Variants in ADAM2 observed in about 807,000 individuals in gnomAD.
ADAM2 encodes disintegrin and metalloproteinase domain-containing protein 2.
Under a neutral mutation model 99.3 loss-of-function variants are expected in ADAM2, and 101 were observed. The observed-to-expected ratio is 1.02, with a 90% CI of 0.87 to 1.20. The LOEUF is 1.20. ADAM2 is among the 50% of genes most tolerant of loss of function. The pLI, the probability that ADAM2 is intolerant of heterozygous loss-of-function variation, is 0.00. For missense variants in ADAM2, 948 were observed against 878.7 expected, an observed-to-expected ratio of 1.08 and a Z score of -1.00; for synonymous variants, 323 against 287.6, an observed-to-expected ratio of 1.12 and a Z score of -1.25.
At chr8:39,790,242 A>G (rs1422398438) in intron 7 of ADAM2, among the ~76,000 whole-genome samples, 1 of 151,976 alleles carries the variant, frequency 6.6e-6, no homozygotes, top group Non-Finnish European at 1.5e-5. Flanking sequence ...ACAAATGTTT[A>G]TAGTAATGTT....
chr8:39,805,125 C>G (rs775091408), intron 7 of ADAM2, among the ~76,000 whole-genome samples: 1 of 152,134 alleles, frequency 6.6e-6, no homozygotes, highest in Non-Finnish European at 1.5e-5. Context: ...AAGGGGCAAA[C>G]AAACCTTTTT....
At position 39,805,102 on chromosome 8, in the gene ADAM2, C is replaced by T. The variant is rs1285839761; in HGVS notation, c.570+4308G>A. Among the ~76,000 whole-genome samples, 4 of 152,136 alleles carry T rather than the reference C, an allele frequency of 2.6e-5. No homozygotes were observed. In the South Asian group the frequency reaches 6.2e-4, roughly 24 times the overall value. On this transcript the variant is annotated intron_variant, in intron 7 of 20. Coordinates refer to ENST00000265708, the MANE Select transcript of ADAM2 (RefSeq NM_001464.5). ...TATAGATGGTACCTTCTAGCTGTGT[C>T]CTTATAGACTGAAAGGGGCAAACAA... is the stretch of plus-strand genomic sequence containing the variant.
intron 7 of ADAM2, among the ~76,000 whole-genome samples, chr8:39,791,678 G>A (rs1803721440): frequency 6.6e-6 from 1 of 152,040 alleles, no homozygotes; most frequent in Admixed American, 6.6e-5. Context: ...CTTTTGTGTT[G>A]TAGCAAAGCA....
intron 11 of ADAM2, among the ~76,000 whole-genome samples, chr8:39,773,567 G>A (rs1254458489): frequency 6.8e-6 from 1 of 147,576 alleles, no homozygotes; most frequent in African/African-American, 2.5e-5. Context: ...ATAAAAGAGG[G>A]CATATCACAA....
chr8:39,787,096 AAATT>A lies in ADAM2; in HGVS notation c.810-45_810-42del. On this transcript the variant is annotated intron_variant, in intron 9 of 20. Transcript: ENST00000265708. ...GGATCATAATCATATAATTTTGTAAAAATTAATATGAATTTTTATAAGACAAATT... is the reference window on the plus strand; with the variant it reads ...GGATCATAATCATATAATTTTGTAAAAATATGAATTTTTATAAGACAAATT... 3 of 1,277,136 alleles carry A rather than the reference AAATT, an allele frequency of 2.3e-6. No homozygotes were observed. In the South Asian group the frequency reaches 4.5e-5, roughly 19 times the overall value. 79.1% of individuals were successfully genotyped at this position (1,277,136 alleles called of 1,614,324 possible). A position where few individuals can be genotyped will look rare whatever the true frequency, so the allele number is the denominator to read the frequency against.
chr8:39,755,912 C>T lies in ADAM2; in HGVS notation c.1614-1G>A, dbSNP rs148060864. On this transcript the variant is annotated splice_acceptor_variant, in intron 15 of 20. Coordinates refer to ENST00000265708, the MANE Select transcript of ADAM2 (RefSeq NM_001464.5). LOFTEE classifies it high-confidence loss of function. Reference sequence around the variant, plus strand: ...TATTAATTTTCCGCACTGCAGATTGCTATAATTTATCCACAAATAAAAATT... The same window carrying T: ...TATTAATTTTCCGCACTGCAGATTGTTATAATTTATCCACAAATAAAAATT... 1.1e-5 allele frequency: 15 copies of T among 1,420,960 alleles called. 1 individual carries two copies. In the East Asian group the frequency reaches 1.4e-4, roughly 13 times the overall value. The allele number at this position is 1,420,960 out of a possible 1,614,324, so 88.0% of individuals were successfully genotyped here. A position where few individuals can be genotyped will look rare whatever the true frequency, so the allele number is the denominator to read the frequency against.
intron 11 of ADAM2, among the ~76,000 whole-genome samples, chr8:39,771,121 A>T (rs563902664): frequency 6.6e-6 from 1 of 152,274 alleles, no homozygotes; most frequent in Non-Finnish European, 1.5e-5. Context: ...ATCAACCTCA[A>T]CTCACTCTGC....
At chr8:39,749,199 T>G in intron 18 of ADAM2, 113 bp downstream of exon 18, 1 of 941,630 alleles carries the variant, frequency 1.1e-6, no homozygotes, top group Non-Finnish European at 1.6e-6. Flanking sequence ...ATGTGCAGTT[T>G]AATGTCTAAA....
intron 16 of ADAM2, among the ~76,000 whole-genome samples, chr8:39,751,452 A>C (rs918340512): frequency 6.6e-5 from 10 of 152,070 alleles, no homozygotes; most frequent in African/African-American, 2.4e-4. Context: ...TTCTGCAATG[A>C]AGTGTTTTTG....
At position 39,821,047 on chromosome 8, in the gene ADAM2, C is replaced by T. The variant is rs539945891; in HGVS notation, c.468G>A (p.Lys156=). 2.5e-6 allele frequency: 4 copies of T among 1,605,828 alleles called. No individual in the cohort carries two copies. In the African/African-American group the frequency reaches 4.0e-5, roughly 16 times the overall value. ...KKADVSLYNE[K]DIESRDLSFK... ...AGGACAGATCTCTTGATTCAATATCCTTCTCATTATATAAGGAAACATCTG... is the reference window on the plus strand; with the variant it reads ...AGGACAGATCTCTTGATTCAATATCTTTCTCATTATATAAGGAAACATCTG... The change falls in exon 6 of 21, where the codon AAG becomes AAA. Residue 156 remains lysine, a synonymous_variant. Coordinates refer to ENST00000265708, the MANE Select transcript of ADAM2 (RefSeq NM_001464.5).
intron 7 of ADAM2, among the ~76,000 whole-genome samples, chr8:39,798,054 G>A (rs1199869372): frequency 6.6e-6 from 1 of 152,146 alleles, no homozygotes; most frequent in Admixed American, 6.5e-5. Flanking sequence ...TGATGGCCCT[G>A]GCCAGAACTT....
At chr8:39,830,691 C>T (rs778553854) in intron 3 of ADAM2, among the ~76,000 whole-genome samples, 9 of 151,942 alleles carry the variant, frequency 5.9e-5, no homozygotes, top group African/African-American at 1.2e-4. Flanking sequence ...CGACAATAGT[C>T]GCAAGCATCA....
intron 10 of ADAM2, among the ~76,000 whole-genome samples, chr8:39,784,021 T>C (rs980399774): frequency 6.6e-5 from 10 of 152,166 alleles, no homozygotes; most frequent in Admixed American, 1.3e-4. Flanking sequence ...CAAAAACTAC[T>C]TGTGCTGTGG....
chr8:39,764,760 T>C (rs1260545678), intron 14 of ADAM2, among the ~76,000 whole-genome samples: 1 of 152,084 alleles, frequency 6.6e-6, no homozygotes, highest in Non-Finnish European at 1.5e-5. Context: ...AAGCGAGTAA[T>C]CCCAGCACTT....
At chr8:39,836,646 G>A (rs920059673) in intron 2 of ADAM2, among the ~76,000 whole-genome samples, 3 of 151,986 alleles carry the variant, frequency 2.0e-5, no homozygotes, top group Admixed American at 1.3e-4. Context: ...TAAAAAGAGA[G>A]TAATAATTCT....
At chr8:39,765,043 AAAT>A (rs1802517589) in intron 14 of ADAM2, among the ~76,000 whole-genome samples, 1 of 148,852 alleles carries the variant, frequency 6.7e-6, no homozygotes. Flanking sequence ...ATAAATAAAT[AAAT>A]AAATAAATAA....
At chr8:39,755,655 G>T in intron 16 of ADAM2, 73 bp downstream of exon 16, 1 of 1,148,316 alleles carries the variant, frequency 8.7e-7, no homozygotes, top group Non-Finnish European at 1.3e-6. Flanking sequence ...GCCAGGGCAA[G>T]AGTGACACTC....
intron 7 of ADAM2, among the ~76,000 whole-genome samples, chr8:39,796,764 G>A (rs1201035016): frequency 6.6e-6 from 1 of 152,128 alleles, no homozygotes; most frequent in African/African-American, 2.4e-5. Context: ...TCTCATTGTA[G>A]TTTTGACTTG....
chr8:39,760,080 T>G (rs1202981936), intron 15 of ADAM2, among the ~76,000 whole-genome samples: 1 of 152,052 alleles, frequency 6.6e-6, no homozygotes, highest in East Asian at 1.9e-4. Context: ...TTGGCCAGGC[T>G]GGTCTCTAAC....
Sources: gnomAD v4.1 joint callset for allele counts (sites outside exome capture counted in the v4.1 genomes callset) on GRCh38, gnomAD v4.1.1 for gene constraint, MANE v1.5 for transcripts, NCBI Gene and HGNC (gene_info 2026-07-23, HGNC 2026-07-21) for gene names.